The following IRS4 variants were observed in gnomAD, a reference collection of about 807,000 sequenced individuals.
IRS4 encodes 160 kDa phosphotyrosine protein.
In IRS4, 15 loss-of-function variants were observed where a neutral mutation model predicts 48.6. The observed-to-expected ratio is 0.31, with a 90% CI of 0.21 to 0.48. The LOEUF (loss-of-function observed/expected upper bound fraction) is 0.48. IRS4 is among the 20% of genes least tolerant of loss of function. The pLI, the probability that IRS4 is intolerant of heterozygous loss-of-function variation, is 0.99. For missense variants in IRS4, 987 were observed against 1,023.4 expected (o/e 0.96, Z 0.49); for synonymous variants, 459 against 413.2 (o/e 1.11, Z -1.34).
chrX:108,733,320 C>T lies in IRS4; in HGVS notation c.3025G>A (p.Ala1009Thr), dbSNP rs142159004. Residue 1009 changes from alanine (A) to threonine (T), a missense_variant, in exon 1 of 2, where the codon GCT becomes ACT. Around this residue, in one of 4 missense-constraint regions of IRS4, gnomAD observed 720 missense variants for 660.3 expected, o/e 1.09. Transcript: ENST00000372129. ...ATGTAGTCACCCTCTTCCTCAATAGCATTGCTACCTGTAGCACTGAGGGGA... is the reference window on the plus strand; with the variant it reads ...ATGTAGTCACCCTCTTCCTCAATAGTATTGCTACCTGTAGCACTGAGGGGA... Reference protein sequence around the residue: ...PLPLSATGSNAIEEEGDYIEV... With the variant: ...PLPLSATGSNTIEEEGDYIEV... The T allele has an allele frequency of 8.3e-7, 1 of 1,211,767 alleles. No individual in the cohort carries two copies. Among genetic ancestry groups the T allele is most frequent in the Non-Finnish European group, 1.1e-6 (1 of 895,456 alleles).
intron 1 of IRS4, among the ~76,000 whole-genome samples, chrX:108,725,353 T>C (rs1405525694): frequency 1.8e-5 from 2 of 108,627 alleles, no homozygotes; most frequent in Non-Finnish European, 3.8e-5. Flanking sequence ...AAAATGTTTT[T>C]CAAGGGTTTT....
intron 1 of IRS4, chrX:108,723,054 G>C (rs1487494519): frequency 8.9e-6 from 1 of 112,276 alleles, no homozygotes; most frequent in Non-Finnish European, 1.9e-5. Flanking sequence ...AAAAGTTCCA[G>C]CATTATTCTC....
chrX:108,720,216 T>C lies in IRS4; in HGVS notation c.*2303A>G, dbSNP rs144153955. 12 of 112,483 alleles carry C rather than the reference T, an allele frequency of 1.1e-4. No homozygotes were observed. In the East Asian group the frequency reaches 3.1e-3, roughly 29 times the overall value. 9.3% of individuals were successfully genotyped at this position (112,483 alleles called of 1,213,427 possible). A position where few individuals can be genotyped will look rare whatever the true frequency, so the allele number is the denominator to read the frequency against. ...TCAGTTTTTAACGACCAAGTGACTATGCCTGATATCAAATTAAATGTAGAG... is the reference window on the plus strand; with the variant it reads ...TCAGTTTTTAACGACCAAGTGACTACGCCTGATATCAAATTAAATGTAGAG... On this transcript the variant is annotated 3_prime_UTR_variant, in exon 2 of 2. Transcript: ENST00000372129.
intron 1 of IRS4, chrX:108,724,890 G>T (rs1169247668): frequency 3.6e-5 from 4 of 111,470 alleles, no homozygotes; most frequent in Non-Finnish European, 7.5e-5. Context: ...CCTTTTTAAT[G>T]GGTGGTATAC....
Position 108,732,712 on chromosome X carries a change from G to A in IRS4, c.3633C>T (p.Ala1211=), listed in dbSNP as rs748744816. 2.6e-5 allele frequency: 32 copies of A among 1,209,630 alleles called. No individual in the cohort carries two copies. The South Asian group carries it at 5.6e-4, about 21-fold the overall frequency. The change falls in exon 1 of 2, where the codon GCC becomes GCT. Residue 1211 remains alanine, a synonymous_variant. Transcript: ENST00000372129. ...NQAGGAAAAA[A]APEPPPRSRR... is the part of the protein sequence containing the mutation. ...GACTGCGAGGTGGTGGTTCCGGAGCGGCAGCTGCAGCGGCAGCCCCGCCAG... is the reference window on the plus strand; with the variant it reads ...GACTGCGAGGTGGTGGTTCCGGAGCAGCAGCTGCAGCGGCAGCCCCGCCAG...
intron 1 of IRS4, among the ~76,000 whole-genome samples, chrX:108,728,252 A>G (rs2068884037): frequency 8.9e-6 from 1 of 112,203 alleles, no homozygotes; most frequent in Non-Finnish European, 1.9e-5. Context: ...TTATTCTAAG[A>G]GCCAGGGCAA....
In IRS4 at chrX:108,732,912, C is replaced by T; in HGVS notation, c.3433G>A (p.Gly1145Ser). The change falls in exon 1 of 2, where the codon GGC becomes AGC. Residue 1145 changes from glycine (G) to serine (S), a missense_variant. Around this residue, in one of 4 missense-constraint regions of IRS4, gnomAD observed 720 missense variants for 660.3 expected, o/e 1.09. Coordinates refer to ENST00000372129, the MANE Select transcript of IRS4 (RefSeq NM_001379150.1). ...AAASALAAAP[G>S]IGAAAAAAGF... ...GCAGCTGCGGCTGCTGCGCCGATGC[C>T]CGGGGCTGCGGCGAGCGCGGAGGCC... The T allele has an allele frequency of 8.5e-7, 1 of 1,175,397 alleles. No individual in the cohort carries two copies. The highest frequency in any genetic ancestry group is 1.9e-5 in the South Asian group (1 of 51,932).
rs766893547 is a variant in IRS4, at chrX:108,736,322, C to T, written c.23G>A (p.Arg8His). Residue 8 changes from arginine to histidine, a missense_variant, in exon 1 of 2, where the codon CGC (arginine) becomes CAC (histidine). Transcript: ENST00000372129. ...TCTTAGTCTTCTTGTCGCTTGGTCG[C>T]GAGTGAAGGAGCAACTCGCCATGGT... MASCSFT[R>H]DQATRRLRGA... 2.3e-5 allele frequency: 28 copies of T among 1,209,170 alleles called. No homozygotes were observed. The highest frequency in any genetic ancestry group is 1.8e-5 in the South Asian group (1 of 56,808).
In IRS4 at chrX:108,720,456, T is replaced by C. The variant is rs767951015; in HGVS notation, c.*2063A>G. On this transcript the variant is annotated 3_prime_UTR_variant, in exon 2 of 2. Transcript: ENST00000372129. ...TGTGTACCTGTTACTATTTGTATAATACGTACTACTGTGTATGAGGTTTCT... is the reference window on the plus strand; with the variant it reads ...TGTGTACCTGTTACTATTTGTATAACACGTACTACTGTGTATGAGGTTTCT... 1.5e-4 allele frequency: 17 copies of C among 112,257 alleles called. No individual in the cohort carries two copies. Among genetic ancestry groups the C allele is most frequent in the Admixed American group, 6.6e-4 (7 of 10,567 alleles). The allele number at this position is 112,257 out of a possible 1,213,427, so 9.3% of individuals were successfully genotyped here.
rs28575040 is a variant in IRS4, at chrX:108,732,370, G to C, written c.3766+209C>G. The C allele has an allele frequency of 4.9e-3, 2,708 of 555,694 alleles. 36 individuals are homozygous for C. The African/African-American group carries it at 0.053, about 11-fold the overall frequency. 45.8% of individuals were successfully genotyped at this position (555,694 alleles called of 1,213,427 possible). A position where few individuals can be genotyped will look rare whatever the true frequency, so the allele number is the denominator to read the frequency against. ...AGAACCAGTGTTTAAATGATAATCAGTTCTGTCCAGATAAAGAAATTGATT... is the reference window on the plus strand; with the variant it reads ...AGAACCAGTGTTTAAATGATAATCACTTCTGTCCAGATAAAGAAATTGATT... On this transcript the variant is annotated intron_variant, in intron 1 of 1. Coordinates refer to ENST00000372129, the MANE Select transcript of IRS4 (RefSeq NM_001379150.1).
chrX:108,734,420 C>T lies in IRS4; in HGVS notation c.1925G>A (p.Gly642Glu), dbSNP rs778399784. ...PPPPPPPPAG[G>E]TGGKGKSGGR... is the part of the protein sequence containing the mutation. ...CCCAGACTTCCCTTTTCCACCAGTT[C>T]CTCCAGCTGGTGGGGGTGGAGGAGG... Residue 642 changes from glycine to glutamate, a missense_variant, in exon 1 of 2, where the codon GGA becomes GAA. Physicochemically the swap from Gly to Glu is moderately conservative, Grantham distance 98 (BLOSUM62 -2). Coordinates refer to ENST00000372129, the MANE Select transcript of IRS4 (RefSeq NM_001379150.1). The T allele has an allele frequency of 8.3e-7, 1 of 1,209,908 alleles. No individual in the cohort carries two copies. Among genetic ancestry groups the T allele is most frequent in the African/African-American group, 1.8e-5 (1 of 57,071 alleles).
At position 108,735,559 on chromosome X, in the gene IRS4, C is replaced by T. The variant is rs1376108805; in HGVS notation, c.786G>A (p.Glu262=). The change falls in exon 1 of 2, where the codon GAG becomes GAA. Residue 262 remains glutamate (E), a synonymous_variant. Coordinates refer to ENST00000372129, the MANE Select transcript of IRS4 (RefSeq NM_001379150.1). ...GVFRLCLTDE[E]VVFVRLNTEV... ...CGGTGTTCAGCCTCACAAACACGAC[C>T]TCCTCGTCGGTTAGACACAGCCGGA... is the stretch of plus-strand genomic sequence containing the variant. 4.1e-6 allele frequency: 5 copies of T among 1,206,897 alleles called. No individual in the cohort carries two copies. Among genetic ancestry groups the T allele is most frequent in the Admixed American group, 2.2e-5 (1 of 45,560 alleles).
In IRS4 at chrX:108,734,447, G is replaced by C. The variant is rs778229144; in HGVS notation, c.1898C>G (p.Pro633Arg). 8.3e-7 allele frequency: 1 copy of C among 1,211,509 alleles called. No individual in the cohort carries two copies. Among genetic ancestry groups the C allele is most frequent in the Admixed American group, 2.2e-5 (1 of 46,062 alleles). Residue 633 changes from proline (P) to arginine (R), a missense_variant, in exon 1 of 2, where the codon CCT becomes CGT. Physicochemically the swap from Pro to Arg is moderately radical, Grantham distance 103. Around this residue, in one of 4 missense-constraint regions of IRS4, gnomAD observed 720 missense variants for 660.3 expected, o/e 1.09. Transcript: ENST00000372129. The stretch of plus-strand genomic sequence containing the variant: ...TCCAGCTGGTGGGGGTGGAGGAGGA[G>C]GTGGTGGAGGTGGTGGCATTTGCTG... ...KQQQMPPPPP[P>R]PPPPPPAGGT...
At position 108,736,383 on chromosome X, in the gene IRS4, G is replaced by A; in HGVS notation, c.-39C>T. On this transcript the variant is annotated 5_prime_UTR_variant, in exon 1 of 2. Transcript: ENST00000372129. The stretch of plus-strand genomic sequence containing the variant: ...GGTTTTAAGGTGAGCGAGGAGGAGG[G>A]GGAATTCAGGAAAGGGAGGGTTGGG... 3.3e-6 allele frequency: 4 copies of A among 1,208,244 alleles called. No homozygotes were observed. The South Asian group carries it at 7.1e-5, about 21-fold the overall frequency.
Position 108,731,037 on chromosome X carries a change from T to G in IRS4, c.3766+1542A>C, listed in dbSNP as rs746232161. ...TGGTAGCAGTGGTGATCATGTGTGT[T>G]TGTGTGTGTGTGTATGTGTGTGTGT... is the stretch of plus-strand genomic sequence containing the variant. On this transcript the variant is annotated intron_variant, in intron 1 of 1. Coordinates refer to ENST00000372129, the MANE Select transcript of IRS4 (RefSeq NM_001379150.1). Among the ~76,000 whole-genome samples, 5 of 110,152 alleles carry G rather than the reference T, an allele frequency of 4.5e-5. No individual in the cohort carries two copies. In the East Asian group the frequency reaches 1.4e-3, roughly 31 times the overall value.
rs776347858 is a variant in IRS4 at position 108,733,014 on chromosome X, C to G, written c.3331G>C (p.Asp1111His). The G allele has an allele frequency of 8.3e-7, 1 of 1,210,617 alleles. No homozygotes were observed. Among genetic ancestry groups the G allele is most frequent in the Non-Finnish European group, 1.1e-6 (1 of 894,715 alleles). ...SAFPTDSLERDLSPSSAPAVA... is the reference protein window; with the variant it reads ...SAFPTDSLERHLSPSSAPAVA... ...GCCGGGGCTGAGGATGGGGAAAGGT[C>G]TCTCTCGAGGCTGTCTGTTGGAAAA... Residue 1111 changes from aspartate to histidine, a missense_variant, in exon 1 of 2, where the codon GAC (aspartate) becomes CAC (histidine). Asp to His is a moderately conservative substitution (Grantham distance 81). This residue lies in a region of IRS4 where 720 missense variants were observed against 660.3 expected (regional missense o/e 1.09). Coordinates refer to ENST00000372129, the MANE Select transcript of IRS4 (RefSeq NM_001379150.1).
At position 108,736,273 on chromosome X, in the gene IRS4, T is replaced by TGCCGCTGCC. The variant is rs760049106; in HGVS notation, c.63_71dup (p.Ala23_Ala25dup). On this transcript the variant is annotated inframe_insertion, in exon 1 of 2. Coordinates refer to ENST00000372129, the MANE Select transcript of IRS4 (RefSeq NM_001379150.1). Reference sequence around the variant, plus strand: ...GGGTGGTCACCACTGCTGCTAGAGCTGCCGCTGCCGCCGCTGCTGCACCTC... The same window carrying TGCCGCTGCC: ...GGGTGGTCACCACTGCTGCTAGAGCTGCCGCTGCCGCCGCTGCCGCCGCTGCTGCACCTC... The TGCCGCTGCC allele has an allele frequency of 2.5e-6, 3 of 1,210,196 alleles. No individual in the cohort carries two copies. The highest frequency in any genetic ancestry group is 1.1e-6 in the Non-Finnish European group (1 of 895,050).
Position 108,733,206 on chromosome X carries a change from C to T in IRS4, c.3139G>A (p.Val1047Met), listed in dbSNP as rs1472860563. The T allele has an allele frequency of 8.3e-7, 1 of 1,211,771 alleles. No homozygotes were observed. The highest frequency in any genetic ancestry group is 3.0e-5 in the East Asian group (1 of 33,835). The stretch of plus-strand genomic sequence containing the variant: ...CAGCACTCAGAAAATGGGTCGACCA[C>T]ATAGATTCGACCTGTTTCAGCATCA... ...RYDAETGRIY[V>M]VDPFSECCMD... is the part of the protein sequence containing the mutation. Residue 1047 changes from valine (V) to methionine (M), a missense_variant, in exon 1 of 2, where the codon GTG becomes ATG. By Grantham distance (21) the Val-to-Met change is conservative. This residue lies in a region of IRS4 where 720 missense variants were observed against 660.3 expected (regional missense o/e 1.09). Transcript: ENST00000372129.
At position 108,733,161 on chromosome X, in the gene IRS4, G is replaced by A; in HGVS notation, c.3184C>T (p.Pro1062Ser). 1 of 1,210,735 alleles carries A rather than the reference G, an allele frequency of 8.3e-7. No individual in the cohort carries two copies. The highest frequency in any genetic ancestry group is 1.1e-6 in the Non-Finnish European group (1 of 894,516). The change falls in exon 1 of 2, where the codon CCC becomes TCC. Residue 1062 changes from proline to serine, a missense_variant. Pro to Ser is a moderately conservative substitution (Grantham distance 74). This residue lies in a region of IRS4 where 720 missense variants were observed against 660.3 expected (regional missense o/e 1.09). Transcript: ENST00000372129. ...GGTGGTGGTTCAGAACATCGGCTGG[G>A]GGAGAGAGAAATATCCATACAGCAC... ...SECCMDISLS[P>S]SRCSEPPPVA...
Sources: gnomAD v4.1 joint callset for allele counts (sites outside exome capture counted in the v4.1 genomes callset) on GRCh38, gnomAD v4.1.1 for gene constraint, gnomAD v4.1.1 regional missense constraint, MANE v1.5 for transcripts, NCBI Gene and HGNC (gene_info 2026-07-23, HGNC 2026-07-21) for gene names.